ABI3BP: variants seen among roughly 807,000 people sequenced by gnomAD.
ABI3BP encodes target of Nesh-SH3.
A neutral mutation model predicts 268.6 loss-of-function variants in ABI3BP; 216 were observed. The observed-to-expected ratio is 0.80, with a 90% confidence interval of 0.72 to 0.90. The LOEUF is 0.90. Ranked by LOEUF, ABI3BP falls within the 40% of genes least tolerant of loss-of-function variation. The probability of loss-of-function intolerance (pLI) is 0.00; values close to 1 mark genes in which losing one functional copy is unlikely to be tolerated. For missense variants in ABI3BP, 2,090 were observed against 2,182.4 expected (o/e 0.96, Z 0.84); for synonymous variants, 730 against 730.0 (o/e 1.00, Z 0.00).
At position 100,926,284 on chromosome 3, in the gene ABI3BP, G is replaced by C. The variant is rs184630011; in HGVS notation, c.259+18C>G. 1 of 1,611,038 alleles carries C rather than the reference G, an allele frequency of 6.2e-7. No individual in the cohort carries two copies. The highest frequency in any genetic ancestry group is 8.5e-7 in the Non-Finnish European group (1 of 1,177,952). ...TCTTACCTCCTTTCCTTCCCAGCCCGATACCCAAACACCTTACCAACTATA... is the reference window on the plus strand; with the variant it reads ...TCTTACCTCCTTTCCTTCCCAGCCCCATACCCAAACACCTTACCAACTATA... On this transcript the variant is annotated intron_variant, in intron 2 of 67. Coordinates refer to ENST00000471714, the MANE Select transcript of ABI3BP (RefSeq NM_001375547.2).
chr3:100,750,658 T>C, intron 67 of ABI3BP, 48 bp from the exon 68 acceptor site: 1 of 1,414,010 alleles, frequency 7.1e-7, no homozygotes, highest in Non-Finnish European at 9.9e-7. Context: ...ATTATATTTT[T>C]GCCCTCACAG....
intron 4 of ABI3BP, among the ~76,000 whole-genome samples, chr3:100,894,766 C>T (rs960166743): frequency 6.6e-6 from 1 of 151,270 alleles, no homozygotes; most frequent in Non-Finnish European, 1.5e-5. Flanking sequence ...GGTGAAACCC[C>T]ACCTGTACTA....
chr3:100,790,183 AT>A (rs1163610286), intron 55 of ABI3BP, among the ~76,000 whole-genome samples: 1 of 151,982 alleles, frequency 6.6e-6, no homozygotes, highest in East Asian at 1.9e-4. Flanking sequence ...AGGCATCCTA[AT>A]GAAGACTTGC....
At position 100,847,687 on chromosome 3, in the gene ABI3BP, G is replaced by A. The variant is rs369564788; in HGVS notation, c.1577-14C>T. 6.2e-7 allele frequency: 1 copy of A among 1,605,676 alleles called. No individual in the cohort carries two copies. The highest frequency in any genetic ancestry group is 1.1e-5 in the South Asian group (1 of 90,822). ...TTGTGGTTCTTTCTGGTGATGGAAA[G>A]GAAAAAAATATTGAAATATCCTAGA... On this transcript the variant is annotated splice_polypyrimidine_tract_variant and intron_variant, in intron 18 of 67. Coordinates refer to ENST00000471714, the MANE Select transcript of ABI3BP (RefSeq NM_001375547.2).
intron 14 of ABI3BP, among the ~76,000 whole-genome samples, chr3:100,857,833 A>G (rs992727257): frequency 2.6e-5 from 4 of 152,234 alleles, no homozygotes; most frequent in Non-Finnish European, 5.9e-5. Context: ...GGAAGTCTCA[A>G]TATGATGGTA....
At chr3:100,899,272 C>A in intron 3 of ABI3BP, among the ~76,000 whole-genome samples, 1 of 152,116 alleles carries the variant, frequency 6.6e-6, no homozygotes, top group Non-Finnish European at 1.5e-5. Flanking sequence ...CACTTAATTT[C>A]TTTTACAGAT....
chr3:100,769,440 G>T (rs1168383441), intron 62 of ABI3BP, among the ~76,000 whole-genome samples: 1 of 152,072 alleles, frequency 6.6e-6, no homozygotes, highest in Non-Finnish European at 1.5e-5. Context: ...AATCAGAAAG[G>T]CCAATTCTTC....
At chr3:100,969,397 C>T (rs1471460694) in intron 1 of ABI3BP, among the ~76,000 whole-genome samples, 1 of 152,222 alleles carries the variant, frequency 6.6e-6, no homozygotes, top group Non-Finnish European at 1.5e-5. Context: ...TCCGGCCCCA[C>T]ATCAGGCATC....
intron 30 of ABI3BP, among the ~76,000 whole-genome samples, chr3:100,832,812 A>G (rs746872098): frequency 1.1e-4 from 16 of 152,172 alleles, no homozygotes; most frequent in Non-Finnish European, 1.5e-4. Context: ...GCATAAAGAA[A>G]CTTCATGATA....
At chr3:100,913,269 T>A (rs2057419987) in intron 2 of ABI3BP, among the ~76,000 whole-genome samples, 1 of 152,142 alleles carries the variant, frequency 6.6e-6, no homozygotes, top group African/African-American at 2.4e-5. Flanking sequence ...ACATCCACCC[T>A]GAAGACCATT....
intron 1 of ABI3BP, chr3:100,945,600 C>G: frequency 2.2e-6 from 1 of 445,546 alleles, no homozygotes; most frequent in South Asian, 1.6e-5. Context: ...CTCTTCACAC[C>G]TGGCTTCTTT....
intron 2 of ABI3BP, among the ~76,000 whole-genome samples, chr3:100,906,885 A>G (rs2053655378): frequency 6.6e-6 from 1 of 152,224 alleles, no homozygotes; most frequent in African/African-American, 2.4e-5. Context: ...TCACTGCTTC[A>G]GAATATTGTC....
At chr3:100,830,849 T>C (rs1282668939) in intron 31 of ABI3BP, among the ~76,000 whole-genome samples, 1 of 152,142 alleles carries the variant, frequency 6.6e-6, no homozygotes, top group Non-Finnish European at 1.5e-5. Context: ...GCAATAGCCT[T>C]TGGACTTCGC....
intron 1 of ABI3BP, among the ~76,000 whole-genome samples, chr3:100,989,494 TC>T: frequency 6.6e-6 from 1 of 152,330 alleles, no homozygotes. Context: ...GTCAGAGATT[TC>T]TACTCTGTTA....
At chr3:100,879,934 C>T (rs1047533585) in intron 6 of ABI3BP, among the ~76,000 whole-genome samples, 1 of 152,156 alleles carries the variant, frequency 6.6e-6, no homozygotes, top group African/African-American at 2.4e-5. Flanking sequence ...CAATGTGAAT[C>T]CTCTCCTATG....
rs185917909 is a variant in ABI3BP at position 100,784,578 on chromosome 3, T to C, written c.4162+3150A>G. On this transcript the variant is annotated intron_variant, in intron 57 of 67. Transcript: ENST00000471714. ...ATTATATGAAAAATATACATGCACA[T>C]GTATGTTTATTGCAGCACAATTCAC... Among the ~76,000 whole-genome samples, 366 of 152,306 alleles carry C rather than the reference T, an allele frequency of 2.4e-3. 1 individual carries two copies. The highest frequency in any genetic ancestry group is 3.5e-3 in the Non-Finnish European group (239 of 68,002).
chr3:100,990,982 C>G (rs556767520), intron 1 of ABI3BP, among the ~76,000 whole-genome samples: 2 of 152,144 alleles, frequency 1.3e-5, no homozygotes, highest in Non-Finnish European at 2.9e-5. Flanking sequence ...TAACAATGGA[C>G]TTATTTATGA....
chr3:100,841,194 C>CTGTTT (rs2098691315), intron 21 of ABI3BP, among the ~76,000 whole-genome samples: 1 of 39,606 alleles, frequency 2.5e-5, no homozygotes, highest in Non-Finnish European at 4.3e-5. Context: ...CATTAGAACA[C>CTGTTT]TTTTTTTTTT....
intron 2 of ABI3BP, among the ~76,000 whole-genome samples, chr3:100,912,945 T>G (rs2057290816): frequency 6.6e-6 from 1 of 152,180 alleles, no homozygotes; most frequent in Non-Finnish European, 1.5e-5. Flanking sequence ...ATGGGTCCCC[T>G]GTGGCCTATT....
Sources: gnomAD v4.1 joint callset for allele counts (sites outside exome capture counted in the v4.1 genomes callset) on GRCh38, gnomAD v4.1.1 for gene constraint, MANE v1.5 for transcripts, NCBI Gene and HGNC (gene_info 2026-07-23, HGNC 2026-07-21) for gene names.